The following METTL16 variants were observed in gnomAD, a reference collection of about 807,000 sequenced individuals.
METTL16 encodes the protein methyltransferase 16, RNA N6-adenosine.
A neutral mutation model predicts 57.9 loss-of-function variants in METTL16; 19 were observed. That is an observed-to-expected ratio of 0.33 (90% CI 0.23 to 0.48). METTL16 has a LOEUF of 0.48. Ranked by LOEUF, METTL16 falls within the 20% of genes least tolerant of loss-of-function variation. The pLI, the probability that METTL16 is intolerant of heterozygous loss-of-function variation, is 0.99. For synonymous variants in METTL16, 246 were observed against 255.6 expected (o/e 0.96, Z 0.36); for missense variants, 434 against 691.5 (o/e 0.63, Z 4.18).
intron 8 of METTL16, among the ~76,000 whole-genome samples, chr17:2,426,648 G>A (rs1257148853): frequency 8.6e-5 from 12 of 139,732 alleles, no homozygotes; most frequent in African/African-American, 3.0e-4. Flanking sequence ...AGAATTGCTC[G>A]AACCAGGGAG....
At chr17:2,423,698 C>G (rs2066786494) in intron 8 of METTL16, among the ~76,000 whole-genome samples, 1 of 152,130 alleles carries the variant, frequency 6.6e-6, no homozygotes. Flanking sequence ...AAAAGGGCAG[C>G]ACTTCCCATC....
At position 2,441,497 on chromosome 17, in the gene METTL16, A is replaced by T; in HGVS notation, c.791T>A (p.Ile264Lys). The T allele has an allele frequency of 6.3e-7, 1 of 1,596,596 alleles. No individual in the cohort carries two copies. The highest frequency in any genetic ancestry group is 8.5e-7 in the Non-Finnish European group (1 of 1,170,066). The change falls in exon 7 of 10, where the codon ATA becomes AAA. Residue 264 changes from isoleucine (I) to lysine (K), a missense_variant. By Grantham distance (102) the Ile-to-Lys change is moderately radical. This residue lies in a region of METTL16 where 96 missense variants were observed against 138.3 expected (regional missense o/e 0.69). Transcript: ENST00000263092. Reference sequence around the variant, plus strand: ...GTAATGAGGAAGCCTCACCCCTTGTATGCGAAGCTCCTCCTTCAGAGGCGC... The same window carrying T: ...GTAATGAGGAAGCCTCACCCCTTGTTTGCGAAGCTCCTCCTTCAGAGGCGC... ...SLAPLKEELR[I>K]QGVPKVTYTE...
At chr17:2,503,250 A>C (rs554513523) in intron 1 of METTL16, among the ~76,000 whole-genome samples, 3 of 152,210 alleles carry the variant, frequency 2.0e-5, no homozygotes, top group Non-Finnish European at 4.4e-5. Context: ...ATATCCATAC[A>C]CTAAATATGG....
rs2066730964 is a variant in METTL16 at position 2,417,716 on chromosome 17, A to G, written c.*2254T>C. On this transcript the variant is annotated 3_prime_UTR_variant, in exon 10 of 10. Transcript: ENST00000263092. The stretch of plus-strand genomic sequence containing the variant: ...ACACTCACACACCCCGTCTACAGAG[A>G]GACTAGAAAGGAACACGCCAATGCC... The G allele has an allele frequency of 6.6e-6, 1 of 152,170 alleles. No homozygotes were observed. The highest frequency in any genetic ancestry group is 2.4e-5 in the African/African-American group (1 of 41,446). The allele number at this position is 152,170 out of a possible 1,614,324, so 9.4% of individuals were successfully genotyped here.
At chr17:2,475,867 CCCCAAGTG>C (rs1230988133) in intron 3 of METTL16, among the ~76,000 whole-genome samples, 1 of 152,180 alleles carries the variant, frequency 6.6e-6, no homozygotes, top group East Asian at 1.9e-4. Context: ...CCTCCTCTAT[CCCCAAGTG>C]CTATTTTAGA....
intron 2 of METTL16, among the ~76,000 whole-genome samples, 185 bp from the exon 3 acceptor site, chr17:2,478,070 T>G (rs2067279785): frequency 6.6e-6 from 1 of 152,032 alleles, no homozygotes; most frequent in South Asian, 2.1e-4. Flanking sequence ...CTTATGAAAA[T>G]CAGTACAATC....
chr17:2,492,086 C>G (rs756124103), intron 2 of METTL16, among the ~76,000 whole-genome samples: 27 of 151,080 alleles, frequency 1.8e-4, no homozygotes, highest in Non-Finnish European at 2.9e-4. Flanking sequence ...TGGCGGGTGC[C>G]TGTAGTCCCA....
intron 8 of METTL16, among the ~76,000 whole-genome samples, chr17:2,435,427 A>C (rs2066902325): frequency 6.6e-6 from 1 of 152,136 alleles, no homozygotes; most frequent in Non-Finnish European, 1.5e-5. Context: ...GGTTTTCAAA[A>C]AACGAGGGTG....
chr17:2,435,456 G>A (rs1374676778), intron 8 of METTL16, among the ~76,000 whole-genome samples: 1 of 152,164 alleles, frequency 6.6e-6, no homozygotes, highest in East Asian at 1.9e-4. Context: ...GGTCTAGGAA[G>A]AGGGAAGAGA....
intron 8 of METTL16, among the ~76,000 whole-genome samples, chr17:2,436,459 C>G (rs2066909628): frequency 6.6e-6 from 1 of 152,156 alleles, no homozygotes; most frequent in Admixed American, 6.5e-5. Context: ...ATGGTAGTAT[C>G]TGCAAATTGT....
intron 3 of METTL16, chr17:2,475,219 CG>C (rs749393581): frequency 1.3e-5 from 2 of 152,180 alleles, no homozygotes; most frequent in Non-Finnish European, 2.9e-5. Context: ...CCGACGGTCA[CG>C]GTGAACGCTG....
intron 3 of METTL16, among the ~76,000 whole-genome samples, chr17:2,474,577 T>C (rs2067257201): frequency 6.6e-6 from 1 of 151,944 alleles, no homozygotes. Flanking sequence ...TAGGGTTTGG[T>C]ACTAAATTAT....
In METTL16 at chr17:2,417,085, T is replaced by TTTTTTTTTTTTTTTTTTTTAA. The variant is rs869134753; in HGVS notation, c.*2884_*2885insTTAAAAAAAAAAAAAAAAAAA. On this transcript the variant is annotated 3_prime_UTR_variant, in exon 10 of 10. Coordinates refer to ENST00000263092, the MANE Select transcript of METTL16 (RefSeq NM_024086.4). ...TTTTTTTTTTTTTTTTTTTTTTTTT[T>TTTTTTTTTTTTTTTTTTTTAA]GAGACAGTCCCACTTTGTCGCCCAG... 7.2e-6 allele frequency: 1 copy of TTTTTTTTTTTTTTTTTTTTAA among 138,356 alleles called. No individual in the cohort carries two copies. The highest frequency in any genetic ancestry group is 2.9e-5 in the African/African-American group (1 of 34,948). The allele number at this position is 138,356 out of a possible 1,614,324, so 8.6% of individuals were successfully genotyped here. A position where few individuals can be genotyped will look rare whatever the true frequency, so the allele number is the denominator to read the frequency against.
At chr17:2,491,122 A>G (rs2067385037) in intron 2 of METTL16, among the ~76,000 whole-genome samples, 1 of 152,232 alleles carries the variant, frequency 6.6e-6, no homozygotes, top group South Asian at 2.1e-4. Context: ...ACTCTGGGAC[A>G]TTCAAAAAAC....
At chr17:2,463,727 T>C (rs1285460389) in intron 6 of METTL16, among the ~76,000 whole-genome samples, 1 of 151,942 alleles carries the variant, frequency 6.6e-6, no homozygotes, top group African/African-American at 2.4e-5. Context: ...CCCAAAGTGC[T>C]GGGATTACAG....
At chr17:2,485,782 G>A (rs147514607) in intron 2 of METTL16, among the ~76,000 whole-genome samples, 28 of 152,200 alleles carry the variant, frequency 1.8e-4, no homozygotes, top group African/African-American at 4.8e-4. Context: ...TGAAGCGGAC[G>A]GTCTGGCGGA....
In METTL16 at chr17:2,470,373, G is replaced by A. The variant is rs139214990; in HGVS notation, c.470-2497C>T. ...TAAAAGGACGCTTGGTTCACAGTCCGGAAGCTGGAGTAAGAAGGCAGAGCA... is the reference window on the plus strand; with the variant it reads ...TAAAAGGACGCTTGGTTCACAGTCCAGAAGCTGGAGTAAGAAGGCAGAGCA... On this transcript the variant is annotated intron_variant, in intron 4 of 9. Transcript: ENST00000263092. 3.8e-3 allele frequency among the ~76,000 whole-genome samples: 574 copies of A among 152,204 alleles called. 3 individuals are homozygous for A. The highest frequency in any genetic ancestry group is 0.013 in the African/African-American group (520 of 41,528).
chr17:2,495,630 G>A (rs904975306), intron 2 of METTL16, among the ~76,000 whole-genome samples: 1 of 149,636 alleles, frequency 6.7e-6, no homozygotes, highest in Non-Finnish European at 1.5e-5. Flanking sequence ...AGGAGGTGGA[G>A]GCTGCAGTGA....
intron 6 of METTL16, among the ~76,000 whole-genome samples, chr17:2,455,811 A>G (rs2067106000): frequency 6.6e-6 from 1 of 152,042 alleles, no homozygotes; most frequent in Admixed American, 6.6e-5. Flanking sequence ...GCAAAACCCC[A>G]TCTCTACAAA....
Sources: allele counts gnomAD v4.1 joint callset (sites outside exome capture counted in the v4.1 genomes callset), GRCh38; gene constraint gnomAD v4.1.1; regional missense constraint gnomAD v4.1.1; transcripts MANE v1.5; gene names NCBI Gene and HGNC (gene_info 2026-07-23, HGNC 2026-07-21).